The following MAGI1 variants were observed in gnomAD, a reference collection of about 807,000 sequenced individuals.
MAGI1 encodes the protein membrane associated guanylate kinase, WW and PDZ domain containing 1.
A neutral mutation model predicts 139.9 loss-of-function variants in MAGI1; 58 were observed. The ratio of observed to expected loss-of-function variants is 0.41; its 90% CI spans 0.34 to 0.52. MAGI1 has a LOEUF of 0.52. Among genes scored for constraint, MAGI1 ranks in the 20% least tolerant of loss-of-function variants. MAGI1 has a pLI of 0.12. For missense variants in MAGI1, 1,874 were observed against 1,901.6 expected (o/e 0.99, Z 0.27); for synonymous variants, 812 against 737.9 (o/e 1.10, Z -1.63).
At chr3:65,942,125 G>T (rs2063344021) in intron 1 of MAGI1, among the ~76,000 whole-genome samples, 1 of 151,942 alleles carries the variant, frequency 6.6e-6, no homozygotes, top group Non-Finnish European at 1.5e-5. Flanking sequence ...TTCCTGACCT[G>T]TGACCAGGAG....
chr3:65,801,546 G>T (rs2108132113), intron 1 of MAGI1, among the ~76,000 whole-genome samples: 1 of 152,250 alleles, frequency 6.6e-6, no homozygotes, highest in Non-Finnish European at 1.5e-5. Context: ...CCATTATCAA[G>T]ATCTGAGGAA....
Position 65,382,061 on chromosome 3 carries a change from A to G in MAGI1, c.2517T>C (p.Ile839=), listed in dbSNP as rs1943094266. The G allele has an allele frequency of 1.9e-6, 3 of 1,603,638 alleles. No individual in the cohort carries two copies. Among genetic ancestry groups the G allele is most frequent in the Non-Finnish European group, 2.6e-6 (3 of 1,174,600 alleles). ...GGNEPGEPIY[I]GHIVPLGAAD... ...CAGCACCCAGTGGTACGATGTGACC[A>G]ATATAAATCTGTTGAGTAATTGAAC... Residue 839 remains isoleucine (I), a synonymous_variant, in exon 16 of 23, where the codon ATT becomes ATC. Transcript: ENST00000402939.
At chr3:65,980,145 G>T (rs974550444) in intron 1 of MAGI1, among the ~76,000 whole-genome samples, 5 of 152,220 alleles carry the variant, frequency 3.3e-5, no homozygotes, top group Non-Finnish European at 7.3e-5. Context: ...GGGCCAAAAA[G>T]TTAGGTGTTT....
intron 17 of MAGI1, among the ~76,000 whole-genome samples, chr3:65,377,523 T>C (rs1942646455): frequency 1.3e-5 from 2 of 152,216 alleles, no homozygotes; most frequent in African/African-American, 4.8e-5. Context: ...CTTGACATAT[T>C]TGCTATTTCT....
chr3:65,809,681 G>C (rs929707125), intron 1 of MAGI1, among the ~76,000 whole-genome samples: 4 of 152,200 alleles, frequency 2.6e-5, no homozygotes, highest in African/African-American at 9.7e-5. Flanking sequence ...CTGGAGCCCT[G>C]AGGCCAGGGA....
At chr3:65,503,496 A>G (rs967492947) in intron 2 of MAGI1, among the ~76,000 whole-genome samples, 4 of 152,130 alleles carry the variant, frequency 2.6e-5, no homozygotes, top group African/African-American at 9.7e-5. Flanking sequence ...CCCAGATCTC[A>G]ACACAGTAGT....
chr3:65,373,227 G>C (rs1411106040), intron 18 of MAGI1, among the ~76,000 whole-genome samples: 1 of 152,036 alleles, frequency 6.6e-6, no homozygotes, highest in Non-Finnish European at 1.5e-5. Flanking sequence ...GTTATTTATT[G>C]TCCTAATTTC....
intron 12 of MAGI1, among the ~76,000 whole-genome samples, chr3:65,410,100 C>T (rs1391199994): frequency 6.6e-6 from 1 of 152,176 alleles, no homozygotes; most frequent in African/African-American, 2.4e-5. Flanking sequence ...ATACCTTGGA[C>T]TGCTCAAAGA....
At chr3:65,443,983 C>A (rs1283787393) in intron 7 of MAGI1, among the ~76,000 whole-genome samples, 3 of 152,126 alleles carry the variant, frequency 2.0e-5, no homozygotes, top group Non-Finnish European at 4.4e-5. Context: ...GAGGCATGCA[C>A]ATGCACACAA....
chr3:65,748,489 T>C (rs528432479), intron 1 of MAGI1, among the ~76,000 whole-genome samples: 7 of 152,260 alleles, frequency 4.6e-5, no homozygotes, highest in East Asian at 1.9e-4. Context: ...GAGTCCAGAA[T>C]AGAAGGAAAG....
chr3:65,764,065 C>T (rs1189734511), intron 1 of MAGI1, among the ~76,000 whole-genome samples: 1 of 141,352 alleles, frequency 7.1e-6, no homozygotes. Flanking sequence ...GAACAAGACC[C>T]TGTCTCAAAA....
intron 1 of MAGI1, among the ~76,000 whole-genome samples, chr3:65,864,518 G>A (rs1559956001): frequency 6.6e-6 from 1 of 152,244 alleles, no homozygotes; most frequent in Non-Finnish European, 1.5e-5. Flanking sequence ...CAGCGAGACG[G>A]CAGACTCCAT....
At chr3:65,840,856 A>G (rs2058779490) in intron 1 of MAGI1, among the ~76,000 whole-genome samples, 1 of 152,224 alleles carries the variant, frequency 6.6e-6, no homozygotes. Flanking sequence ...GAAATTATAT[A>G]CAGTTGCTAT....
chr3:65,781,941 G>A (rs752130595), intron 1 of MAGI1, among the ~76,000 whole-genome samples: 14 of 152,190 alleles, frequency 9.2e-5, no homozygotes, highest in Non-Finnish European at 1.6e-4. Context: ...AAACAGACTC[G>A]CTGGTAAACA....
At chr3:65,459,435 C>A (rs576845233) in intron 5 of MAGI1, among the ~76,000 whole-genome samples, 3 of 152,116 alleles carry the variant, frequency 2.0e-5, no homozygotes, top group African/African-American at 7.2e-5. Flanking sequence ...TCCATGAACA[C>A]GGAATACAAC....
In MAGI1 at chr3:65,532,117, T is replaced by G. The variant is rs138546182; in HGVS notation, c.431-38486A>C. ...TCTAGGATTCATTTTCTGTAATAGT[T>G]AGAGAAAACTTTCTAAATCCTAAAC... On this transcript the variant is annotated intron_variant, in intron 2 of 22. Coordinates refer to ENST00000402939, the MANE Select transcript of MAGI1 (RefSeq NM_001033057.2). Among the ~76,000 whole-genome samples, 107 of 152,296 alleles carry G rather than the reference T, an allele frequency of 7.0e-4. No homozygotes were observed. The East Asian group carries it at 0.017, about 24-fold the overall frequency.
Position 66,038,887 on chromosome 3 carries a change from G to C in MAGI1, c.-579C>G, listed in dbSNP as rs1188171797. On this transcript the variant is annotated 5_prime_UTR_variant, in exon 1 of 23. Coordinates refer to ENST00000402939, the MANE Select transcript of MAGI1 (RefSeq NM_001033057.2). ...TTCATTCTATTCCGCGCCGCGGAGC[G>C]CAGCGGCCGGCGACAGGAGACGCGC... 6.6e-6 allele frequency: 1 copy of C among 152,062 alleles called. No homozygotes were observed. The highest frequency in any genetic ancestry group is 1.5e-5 in the Non-Finnish European group (1 of 68,030). The allele number at this position is 152,062 out of a possible 1,614,324, so 9.4% of individuals were successfully genotyped here. A position where few individuals can be genotyped will look rare whatever the true frequency, so the allele number is the denominator to read the frequency against.
At position 65,618,479 on chromosome 3, in the gene MAGI1, A is replaced by C. The variant is rs529296760; in HGVS notation, c.430+3493T>G. On this transcript the variant is annotated intron_variant, in intron 2 of 22. Coordinates refer to ENST00000402939, the MANE Select transcript of MAGI1 (RefSeq NM_001033057.2). ...ATCAGAGAGAATATACTTATTTTTAAGGTATTGTGCCTTCCATTGCTTCCA... is the reference window on the plus strand; with the variant it reads ...ATCAGAGAGAATATACTTATTTTTACGGTATTGTGCCTTCCATTGCTTCCA... 5.9e-5 allele frequency among the ~76,000 whole-genome samples: 9 copies of C among 152,308 alleles called. No individual in the cohort carries two copies. The South Asian group carries it at 1.9e-3, about 32-fold the overall frequency.
chr3:66,000,506 A>C (rs2066689349), intron 1 of MAGI1, among the ~76,000 whole-genome samples: 1 of 152,236 alleles, frequency 6.6e-6, no homozygotes, highest in Non-Finnish European at 1.5e-5. Context: ...CCCAACACAT[A>C]TACTGTGATG....
Sources: allele counts gnomAD v4.1 joint callset (sites outside exome capture counted in the v4.1 genomes callset), GRCh38; gene constraint gnomAD v4.1.1; transcripts MANE v1.5; gene names NCBI Gene and HGNC (gene_info 2026-07-23, HGNC 2026-07-21).